SERAC1: variants seen among roughly 807,000 people sequenced by gnomAD.
SERAC1 encodes the protein serine active site containing 1.
Under a neutral mutation model 85.7 loss-of-function variants are expected in SERAC1, and 36 were observed. The ratio of observed to expected loss-of-function variants is 0.42; its 90% confidence interval spans 0.32 to 0.55. The LOEUF (loss-of-function observed/expected upper bound fraction) is 0.55. SERAC1 is among the 20% of genes least tolerant of loss of function. The probability of loss-of-function intolerance (pLI) is 0.11; values close to 1 mark genes in which losing one functional copy is unlikely to be tolerated. For synonymous variants in SERAC1, 242 were observed against 265.3 expected (o/e 0.91, Z 0.85); for missense variants, 629 against 796.2 (o/e 0.79, Z 2.53).
intron 1 of SERAC1, among the ~76,000 whole-genome samples, chr6:158,165,573 A>C (rs1785580673): frequency 6.6e-6 from 1 of 152,028 alleles, no homozygotes; most frequent in Non-Finnish European, 1.5e-5. Flanking sequence ...GGCCTTTCAT[A>C]CTCAACTGTC....
intron 1 of SERAC1, chr6:158,158,694 T>G (rs1312161600): frequency 5.2e-6 from 1 of 192,456 alleles, no homozygotes; most frequent in Non-Finnish European, 1.1e-5. Flanking sequence ...GACAGACTAT[T>G]AATCAGAATA....
chr6:158,143,952 CA>C (rs1032121716), intron 7 of SERAC1, among the ~76,000 whole-genome samples: 15 of 152,132 alleles, frequency 9.9e-5, no homozygotes, highest in African/African-American at 3.4e-4. Flanking sequence ...CTTCCTACCA[CA>C]AAGGATTATC....
intron 10 of SERAC1, among the ~76,000 whole-genome samples, chr6:158,124,806 A>C (rs1784504255): frequency 6.6e-6 from 1 of 151,530 alleles, no homozygotes; most frequent in Admixed American, 6.6e-5. Context: ...CTCAACAAAG[A>C]ATACTTTATC....
chr6:158,152,211 C>T (rs999539398), intron 3 of SERAC1, among the ~76,000 whole-genome samples: 2 of 152,116 alleles, frequency 1.3e-5, no homozygotes, highest in East Asian at 1.9e-4. Flanking sequence ...TGAGACTCTG[C>T]CTTTAAAGAA....
chr6:158,142,982 T>C (rs1784952896), intron 8 of SERAC1, 74 bp downstream of exon 8: 2 of 1,211,644 alleles, frequency 1.7e-6, no homozygotes. Context: ...ACTGGGTGAA[T>C]GCCAGCCACT....
In SERAC1 at chr6:158,117,612, A is replaced by C; in HGVS notation, c.1403+115T>G. 1 of 1,570,934 alleles carries C rather than the reference A, an allele frequency of 6.4e-7. No individual in the cohort carries two copies. The highest frequency in any genetic ancestry group is 8.7e-7 in the Non-Finnish European group (1 of 1,155,974). The stretch of plus-strand genomic sequence containing the variant: ...ACAAAAAAGATTAGGTTTGTTCTTC[A>C]TAAGAAAATCCTGTCTGTGGCATCA... On this transcript the variant is annotated intron_variant, in intron 13 of 16. Transcript: ENST00000647468. The surrounding 1 kb of genome is among the most constrained non-coding windows in gnomAD (Gnocchi z 4.3).
At chr6:158,140,847 A>G (rs764441577) in intron 8 of SERAC1, among the ~76,000 whole-genome samples, 24 of 152,002 alleles carry the variant, frequency 1.6e-4, no homozygotes, top group Non-Finnish European at 3.4e-4. Flanking sequence ...AAAACCCTCC[A>G]CACTCCTGGT....
At chr6:158,132,660 G>A (rs1056616972) in intron 8 of SERAC1, among the ~76,000 whole-genome samples, 5 of 152,158 alleles carry the variant, frequency 3.3e-5, no homozygotes, top group African/African-American at 9.7e-5. Flanking sequence ...GGCCATTTCC[G>A]CAGTGTGATG....
In SERAC1 at chr6:158,147,768, C is replaced by CAAAAA. The variant is rs71027383; in HGVS notation, c.356-860_356-856dup. ...CTGGGTGACAGAGAAGGCTCTGTCT[C>CAAAAA]AAAAAAAAAAAAAAAAAAAAAAAAA... On this transcript the variant is annotated intron_variant, in intron 5 of 16. Coordinates refer to ENST00000647468, the MANE Select transcript of SERAC1 (RefSeq NM_032861.4). Among the ~76,000 whole-genome samples the CAAAAA allele has an allele frequency of 2.2e-3, 153 of 68,942 alleles. 14 individuals are homozygous for CAAAAA. Among genetic ancestry groups the CAAAAA allele is most frequent in the African/African-American group, 8.7e-3 (126 of 14,426 alleles). 45.2% of individuals were successfully genotyped at this position (68,942 alleles called of 152,430 possible).
At chr6:158,128,465 G>GA (rs1194838990) in intron 9 of SERAC1, among the ~76,000 whole-genome samples, 195 bp from the exon 10 acceptor site, 18 of 152,010 alleles carry the variant, frequency 1.2e-4, no homozygotes, top group Non-Finnish European at 2.4e-4. Flanking sequence ...CAAAATCATA[G>GA]AAAAAATCCC....
At chr6:158,148,173 C>A (rs947418646) in intron 5 of SERAC1, among the ~76,000 whole-genome samples, 10 of 152,122 alleles carry the variant, frequency 6.6e-5, no homozygotes, top group African/African-American at 2.4e-4. Context: ...TTTCACGATG[C>A]CAACTTTTTA....
chr6:158,117,957 C>A lies in SERAC1; in HGVS notation c.1309-136G>T. The A allele has an allele frequency of 1.5e-6, 1 of 665,816 alleles. No homozygotes were observed. 41.2% of individuals were successfully genotyped at this position (665,816 alleles called of 1,614,324 possible). On this transcript the variant is annotated intron_variant, in intron 12 of 16. Transcript: ENST00000647468. This position sits in a 1 kb window ranked among gnomAD's most constrained non-coding sequence, Gnocchi z 4.3. ...GCACTGGAATAAGGTTTGAAGGTAC[C>A]GTAAAAACAATTCCAGCACTATCTT...
chr6:158,129,849 C>T (rs1784631417), intron 9 of SERAC1, among the ~76,000 whole-genome samples: 1 of 152,070 alleles, frequency 6.6e-6, no homozygotes, highest in Admixed American at 6.5e-5. Flanking sequence ...GTGCGCACCA[C>T]CACACCTGGC....
chr6:158,156,399 G>A (rs1468919203), intron 2 of SERAC1, among the ~76,000 whole-genome samples: 1 of 152,030 alleles, frequency 6.6e-6, no homozygotes, highest in Non-Finnish European at 1.5e-5. Context: ...ATCGGATATA[G>A]ATGGAAGTCT....
At chr6:158,142,678 C>T (rs1784946462) in intron 8 of SERAC1, among the ~76,000 whole-genome samples, 1 of 151,944 alleles carries the variant, frequency 6.6e-6, no homozygotes, top group African/African-American at 2.4e-5. Flanking sequence ...GGTTTCACCA[C>T]GTTGGCCAGG....
intron 1 of SERAC1, chr6:158,162,045 T>A (rs1785500015): frequency 6.6e-6 from 1 of 152,222 alleles, no homozygotes; most frequent in African/African-American, 2.4e-5. Context: ...CCCTGGTACT[T>A]CCCCATGTGG....
chr6:158,140,226 G>T (rs1041341645), intron 8 of SERAC1, among the ~76,000 whole-genome samples: 3 of 152,190 alleles, frequency 2.0e-5, no homozygotes, highest in Non-Finnish European at 4.4e-5. Flanking sequence ...GTTTCAGGAA[G>T]GGGGCTGGTG....
At chr6:158,152,826 G>A (rs1261797695) in intron 3 of SERAC1, 1 of 152,226 alleles carries the variant, frequency 6.6e-6, no homozygotes, top group Non-Finnish European at 1.5e-5. Context: ...ATACAGCCTA[G>A]GTGTGGAGTA....
At chr6:158,156,983 A>ATATTTATATATAAT (rs1785367585) in intron 2 of SERAC1, among the ~76,000 whole-genome samples, 3 of 91,508 alleles carry the variant, frequency 3.3e-5, no homozygotes, top group Admixed American at 1.6e-4. Flanking sequence ...TATATATAAT[A>ATATTTATATATAAT]AATACATATA....
Sources: gnomAD v4.1 joint callset for allele counts (sites outside exome capture counted in the v4.1 genomes callset) on GRCh38, gnomAD v4.1.1 for gene constraint, Gnocchi (gnomAD v3.1) non-coding constraint, MANE v1.5 for transcripts, NCBI Gene and HGNC (gene_info 2026-07-23, HGNC 2026-07-21) for gene names.